Variants in PITPNC1 observed in about 807,000 individuals in gnomAD.
PITPNC1 encodes the protein cytoplasmic phosphatidylinositol transfer protein 1.
PITPNC1 carries 18 observed loss-of-function variants against 44.7 expected under a neutral mutation model. That is an observed-to-expected ratio of 0.40 (90% CI 0.28 to 0.60). The LOEUF is 0.60. Ranked by LOEUF, PITPNC1 falls within the 20% of genes least tolerant of loss-of-function variation. The probability of loss-of-function intolerance (pLI) is 0.39; values close to 1 mark genes in which losing one functional copy is unlikely to be tolerated. For synonymous variants in PITPNC1, 141 were observed against 149.6 expected (o/e 0.94, Z 0.42); for missense variants, 290 against 418.4 (o/e 0.69, Z 2.68).
At chr17:67,688,572 T>A (rs979048853) in intron 8 of PITPNC1, among the ~76,000 whole-genome samples, 2 of 152,108 alleles carry the variant, frequency 1.3e-5, no homozygotes, top group African/African-American at 2.4e-5. Context: ...CATGCAGTGA[T>A]CTGATTTGCA....
At chr17:67,611,508 T>G (rs941348850) in intron 5 of PITPNC1, 1 of 152,268 alleles carries the variant, frequency 6.6e-6, no homozygotes, top group East Asian at 1.9e-4. Context: ...CTTGTTGCCC[T>G]GGTTGCCCAG....
intron 1 of PITPNC1, among the ~76,000 whole-genome samples, chr17:67,453,432 G>T (rs190252910): frequency 6.6e-6 from 1 of 152,304 alleles, no homozygotes; most frequent in African/African-American, 2.4e-5. Flanking sequence ...GAGCAGCTTG[G>T]GAGAGAACCA....
chr17:67,603,433 G>T (rs1163628613), intron 5 of PITPNC1, among the ~76,000 whole-genome samples: 5 of 152,194 alleles, frequency 3.3e-5, no homozygotes, highest in Non-Finnish European at 5.9e-5. Flanking sequence ...CCTGTCTTTA[G>T]ATAGCCACAG....
chr17:67,691,317 T>A (rs2042923631), intron 8 of PITPNC1, among the ~76,000 whole-genome samples: 1 of 152,232 alleles, frequency 6.6e-6, no homozygotes, highest in Non-Finnish European at 1.5e-5. Flanking sequence ...TTACATTTTT[T>A]AAATACTGTT....
At chr17:67,388,298 T>A (rs915157161) in intron 1 of PITPNC1, among the ~76,000 whole-genome samples, 1 of 151,782 alleles carries the variant, frequency 6.6e-6, no homozygotes, top group Non-Finnish European at 1.5e-5. Context: ...CGGAGGAGTA[T>A]GTATATTAGT....
At chr17:67,451,647 G>GT (rs920545836) in intron 1 of PITPNC1, among the ~76,000 whole-genome samples, 12 of 135,954 alleles carry the variant, frequency 8.8e-5, no homozygotes, top group South Asian at 4.7e-4. Flanking sequence ...TTTTTGTTTT[G>GT]TTTTTTTTTG....
rs1184825689 is a variant in PITPNC1 at position 67,583,899 on chromosome 17, GTGTGTGTGTGTGTT to G, written c.366+5648_366+5661del. Among the ~76,000 whole-genome samples, 33 of 134,486 alleles carry G rather than the reference GTGTGTGTGTGTGTT, an allele frequency of 2.5e-4. No homozygotes were observed. In the East Asian group the frequency reaches 6.6e-3, roughly 27 times the overall value. 88.2% of individuals were successfully genotyped at this position (134,486 alleles called of 152,430 possible). ...TGTGTGTGTGTGTGTGTGTGTGTTT[GTGTGTGTGTGTGTT>G]TGTGTTTAGTAGAGATGGAGTGTCA... On this transcript the variant is annotated intron_variant, in intron 5 of 8. Coordinates refer to ENST00000581322, the MANE Select transcript of PITPNC1 (RefSeq NM_012417.4).
intron 1 of PITPNC1, among the ~76,000 whole-genome samples, chr17:67,479,837 C>T (rs1193535240): frequency 6.6e-6 from 1 of 152,096 alleles, no homozygotes; most frequent in Admixed American, 6.6e-5. Context: ...GCATTTTCTT[C>T]TGCAATGTTC....
intron 8 of PITPNC1, among the ~76,000 whole-genome samples, chr17:67,691,940 T>C (rs1170601505): frequency 6.6e-6 from 1 of 151,010 alleles, no homozygotes; most frequent in African/African-American, 2.4e-5. Context: ...GCCCAGGAGG[T>C]CGAGACTGCC....
At chr17:67,459,722 T>G (rs2039309211) in intron 1 of PITPNC1, 1 of 152,172 alleles carries the variant, frequency 6.6e-6, no homozygotes, top group Non-Finnish European at 1.5e-5. Flanking sequence ...CTTTCTATGC[T>G]GTGTCATCAG....
At position 67,415,910 on chromosome 17, in the gene PITPNC1, TAA is replaced by T. The variant is rs3840059; in HGVS notation, c.48+37720_48+37721del. On this transcript the variant is annotated intron_variant, in intron 1 of 8. Transcript: ENST00000581322. ...GTGACTTTTGAAAATCACGCTTACC[TAA>T]AAAAAAAAAAATCCTGAGTATGGTT... 6.3e-4 allele frequency among the ~76,000 whole-genome samples: 93 copies of T among 148,042 alleles called. 1 individual carries two copies. The highest frequency in any genetic ancestry group is 3.4e-3 in the Middle Eastern group (1 of 290).
chr17:67,482,226 C>T (rs552180273), intron 1 of PITPNC1, among the ~76,000 whole-genome samples: 60 of 152,240 alleles, frequency 3.9e-4, no homozygotes, highest in African/African-American at 1.2e-3. Flanking sequence ...GGAAACTTGA[C>T]TTGATAATGT....
intron 1 of PITPNC1, among the ~76,000 whole-genome samples, chr17:67,503,928 C>G (rs771878493): frequency 6.6e-6 from 1 of 152,148 alleles, no homozygotes. Context: ...CTGTCTTCCT[C>G]TTTTTTTGTT....
chr17:67,437,800 G>C (rs1190664309), intron 1 of PITPNC1, among the ~76,000 whole-genome samples: 3 of 152,226 alleles, frequency 2.0e-5, no homozygotes, highest in Non-Finnish European at 4.4e-5. Flanking sequence ...GAGTGCGGAG[G>C]CTCGGGCCTG....
intron 5 of PITPNC1, among the ~76,000 whole-genome samples, chr17:67,627,788 TCTTTA>T (rs1469171182): frequency 2.0e-5 from 3 of 152,292 alleles, no homozygotes; most frequent in African/African-American, 7.2e-5. Context: ...TGAGCAAGCC[TCTTTA>T]CTTCTTTCAG....
At chr17:67,625,620 A>G (rs947909511) in intron 5 of PITPNC1, among the ~76,000 whole-genome samples, 2 of 152,080 alleles carry the variant, frequency 1.3e-5, no homozygotes, top group African/African-American at 4.8e-5. Flanking sequence ...CTGCTCTCCA[A>G]TTACACCACA....
chr17:67,447,995 G>A (rs1170498357), intron 1 of PITPNC1, among the ~76,000 whole-genome samples: 2 of 151,586 alleles, frequency 1.3e-5, no homozygotes, highest in Non-Finnish European at 2.9e-5. Context: ...GCCCAGGCTG[G>A]AGTGCAGTGG....
intron 1 of PITPNC1, among the ~76,000 whole-genome samples, chr17:67,453,719 C>T (rs996903861): frequency 1.3e-5 from 2 of 152,192 alleles, no homozygotes; most frequent in African/African-American, 4.8e-5. Context: ...GTACGATTTT[C>T]TGTAACACAA....
chr17:67,638,167 A>G (rs1330699292), intron 6 of PITPNC1: 1 of 152,144 alleles, frequency 6.6e-6, no homozygotes, highest in Non-Finnish European at 1.5e-5. Flanking sequence ...GGAATGAGGA[A>G]CTCTGCACGA....
Sources: gnomAD v4.1 joint callset for allele counts (sites outside exome capture counted in the v4.1 genomes callset) on GRCh38, gnomAD v4.1.1 for gene constraint, MANE v1.5 for transcripts, NCBI Gene and HGNC (gene_info 2026-07-23, HGNC 2026-07-21) for gene names.